The following PCDH7 variants were observed in gnomAD, a reference collection of about 807,000 sequenced individuals.
The protein encoded by PCDH7 is protocadherin-7.
PCDH7 carries 17 observed loss-of-function variants against 58.9 expected under a neutral mutation model. The ratio of observed to expected loss-of-function variants is 0.29; its 90% CI spans 0.20 to 0.43. The LOEUF is 0.43. PCDH7 is among the 20% of genes least tolerant of loss of function. The pLI is 1.00. For missense variants in PCDH7, 1,274 were observed against 1,441.0 expected (o/e 0.88, Z 1.88); for synonymous variants, 664 against 616.4 (o/e 1.08, Z -1.14).
At chr4:30,775,164 G>A (rs911283669) in intron 1 of PCDH7, among the ~76,000 whole-genome samples, 4 of 152,138 alleles carry the variant, frequency 2.6e-5, no homozygotes, top group Non-Finnish European at 5.9e-5. Flanking sequence ...TACTGTTAAA[G>A]TGCCGAGAGA....
intron 1 of PCDH7, among the ~76,000 whole-genome samples, chr4:30,898,879 C>T (rs561710210): frequency 2.0e-4 from 30 of 152,204 alleles, no homozygotes; most frequent in African/African-American, 6.5e-4. Context: ...GCGTGAGCCA[C>T]GGCGCCTGGC....
chr4:31,056,517 G>GAAA (rs1491230659), intron 3 of PCDH7, among the ~76,000 whole-genome samples: 205 of 95,014 alleles, frequency 2.2e-3, no homozygotes, highest in South Asian at 5.6e-3. Context: ...AAGAAAGAAA[G>GAAA]GGGAAGGGAA....
intron 1 of PCDH7, chr4:30,730,723 C>T (rs202147947): frequency 1.2e-4 from 177 of 1,515,640 alleles, no homozygotes; most frequent in Admixed American, 3.8e-4. Context: ...TTTTTTTTAC[C>T]TGCATAAATC....
chr4:30,849,460 C>A (rs555035985), intron 1 of PCDH7, among the ~76,000 whole-genome samples: 1 of 151,766 alleles, frequency 6.6e-6, no homozygotes, highest in African/African-American at 2.4e-5. Flanking sequence ...ACCACTGTAT[C>A]ACAGGACAGA....
At chr4:31,027,452 C>A (rs1183146389) in intron 3 of PCDH7, among the ~76,000 whole-genome samples, 1 of 152,052 alleles carries the variant, frequency 6.6e-6, no homozygotes, top group African/African-American at 2.4e-5. Flanking sequence ...GAGACGGAGT[C>A]TAGCTCTGTC....
chr4:30,888,164 G>A (rs867862614), intron 1 of PCDH7, among the ~76,000 whole-genome samples: 88 of 152,176 alleles, frequency 5.8e-4, no homozygotes, highest in Middle Eastern at 6.8e-3. Flanking sequence ...GTGAGCCACT[G>A]TGCCCAGCCG....
At chr4:31,011,983 T>TA (rs1156490189) in intron 3 of PCDH7, among the ~76,000 whole-genome samples, 3 of 152,104 alleles carry the variant, frequency 2.0e-5, no homozygotes, top group Non-Finnish European at 4.4e-5. Flanking sequence ...AAGCATTTGC[T>TA]AAAAAATTAC....
chr4:30,765,016 G>GCCT (rs1361715844), intron 1 of PCDH7, among the ~76,000 whole-genome samples: 10 of 150,794 alleles, frequency 6.6e-5, no homozygotes, highest in Middle Eastern at 3.5e-3. Flanking sequence ...ACCGCGCCCT[G>GCCT]CCTGGTCTTT....
chr4:30,727,214 T>C (rs540142934), intron 1 of PCDH7, among the ~76,000 whole-genome samples: 43 of 152,096 alleles, frequency 2.8e-4, no homozygotes, highest in Admixed American at 5.2e-4. Context: ...ATTGCAGTTA[T>C]TTATTTGTGA....
At chr4:30,772,334 G>A (rs918048925) in intron 1 of PCDH7, among the ~76,000 whole-genome samples, 1 of 152,220 alleles carries the variant, frequency 6.6e-6, no homozygotes, top group African/African-American at 2.4e-5. Flanking sequence ...GGGAATACAT[G>A]GGACCTAATC....
chr4:30,919,058 T>A (rs1184956728), intron 1 of PCDH7, among the ~76,000 whole-genome samples: 1 of 152,154 alleles, frequency 6.6e-6, no homozygotes, highest in East Asian at 1.9e-4. Flanking sequence ...CTTTCATTAT[T>A]TTCTAGCAAC....
At chr4:30,933,029 C>G (rs1478729612) in intron 2 of PCDH7, among the ~76,000 whole-genome samples, 1 of 81,338 alleles carries the variant, frequency 1.2e-5, no homozygotes, top group Non-Finnish European at 2.4e-5. Context: ...TTCTTTCTTT[C>G]TTTCTTTTTT....
At chr4:31,091,671 T>G (rs1412150600) in intron 3 of PCDH7, among the ~76,000 whole-genome samples, 3 of 152,058 alleles carry the variant, frequency 2.0e-5, no homozygotes, top group Non-Finnish European at 4.4e-5. Context: ...ATATCCTAGT[T>G]TAATTCCCAC....
chr4:30,777,453 A>G (rs2109284935), intron 1 of PCDH7, among the ~76,000 whole-genome samples: 1 of 152,286 alleles, frequency 6.6e-6, no homozygotes. Flanking sequence ...CATAATTTTA[A>G]CAAAAGAAGC....
At chr4:31,059,748 CAAG>C (rs1757536965) in intron 3 of PCDH7, among the ~76,000 whole-genome samples, 1 of 151,640 alleles carries the variant, frequency 6.6e-6, no homozygotes, top group Non-Finnish European at 1.5e-5. Flanking sequence ...AAATTACAAT[CAAG>C]AGAATATTTT....
intron 2 of PCDH7, among the ~76,000 whole-genome samples, chr4:30,931,811 T>C (rs1234644856): frequency 1.5e-5 from 2 of 132,176 alleles, no homozygotes; most frequent in Non-Finnish European, 3.1e-5. Context: ...CTTATGCTTC[T>C]ATTTTTCAGG....
At chr4:30,868,580 T>C (rs1034089333) in intron 1 of PCDH7, among the ~76,000 whole-genome samples, 1 of 152,082 alleles carries the variant, frequency 6.6e-6, no homozygotes, top group Non-Finnish European at 1.5e-5. Context: ...TTTTCTACTT[T>C]GTATGATTTA....
At chr4:31,081,716 C>T (rs898397885) in intron 3 of PCDH7, among the ~76,000 whole-genome samples, 2 of 151,794 alleles carry the variant, frequency 1.3e-5, no homozygotes, top group Non-Finnish European at 2.9e-5. Context: ...GTCAGATAGC[C>T]TAATAAGAAA....
rs577165719 is a variant in PCDH7, at chr4:31,137,571, G to A, written c.*8-4902G>A. On this transcript the variant is annotated intron_variant, in intron 3 of 3. Transcript: ENST00000509759. ...TGCACTCCAGCCTGGATGACAGAGC[G>A]AGACCCTTCTCGAAAAATAAAATAA... 5.3e-5 allele frequency among the ~76,000 whole-genome samples: 8 copies of A among 152,282 alleles called. No homozygotes were observed. The South Asian group carries it at 6.2e-4, about 12-fold the overall frequency.
Sources: allele counts gnomAD v4.1 joint callset (sites outside exome capture counted in the v4.1 genomes callset), GRCh38; gene constraint gnomAD v4.1.1; transcripts MANE v1.5; gene names NCBI Gene and HGNC (gene_info 2026-07-23, HGNC 2026-07-21).